Variants in EFCAB13 observed in about 807,000 individuals in gnomAD.
EFCAB13 encodes the protein EF-hand calcium binding domain 13, also known as EF-hand calcium-binding domain-containing protein 13.
In EFCAB13, 91 loss-of-function variants were observed where a neutral mutation model predicts 110.2. The observed-to-expected ratio is 0.83, with a 90% confidence interval of 0.70 to 0.98. The LOEUF is 0.98. EFCAB13 is among the 50% of genes least tolerant of loss of function. The pLI, the probability that EFCAB13 is intolerant of heterozygous loss-of-function variation, is 0.00. For missense variants in EFCAB13, 968 were observed against 1,119.4 expected, an observed-to-expected ratio of 0.86 and a Z score of 1.93; for synonymous variants, 323 against 369.9, an observed-to-expected ratio of 0.87 and a Z score of 1.45.
chr17:47,334,757 A>C (rs966282336), intron 4 of EFCAB13, among the ~76,000 whole-genome samples: 4 of 152,078 alleles, frequency 2.6e-5, no homozygotes, highest in Admixed American at 2.6e-4. Context: ...CTCTACGAAT[A>C]ATAAAAAATT....
chr17:47,355,641 C>T (rs1469544301), intron 9 of EFCAB13, among the ~76,000 whole-genome samples: 1 of 146,610 alleles, frequency 6.8e-6, no homozygotes, highest in Non-Finnish European at 1.5e-5. Context: ...GATGCGATCT[C>T]GGCTTACTGC....
At chr17:47,375,061 A>G (rs917618147) in intron 12 of EFCAB13, 95 bp downstream of exon 12, 11 of 1,298,324 alleles carry the variant, frequency 8.5e-6, no homozygotes, top group African/African-American at 1.5e-5. Context: ...TCAATTGTTA[A>G]CACCCTGGGT....
Position 47,389,242 on chromosome 17 carries a change from TGCTCAG to T in EFCAB13, c.1583-2191_1583-2186del, listed in dbSNP as rs2065692825. Among the ~76,000 whole-genome samples the T allele has an allele frequency of 2.0e-5, 3 of 152,316 alleles. No homozygotes were observed. In the South Asian group the frequency reaches 6.2e-4, roughly 32 times the overall value. On this transcript the variant is annotated intron_variant, in intron 14 of 24. Coordinates refer to ENST00000331493, the MANE Select transcript of EFCAB13 (RefSeq NM_152347.5). ...TTGTAGAGATGTGGTCTCCCTGTGT[TGCTCAG>T]GCTGGTCTTGAACTCCTGGTATCAA...
intron 15 of EFCAB13, 61 bp downstream of exon 15, chr17:47,391,641 AT>A: frequency 7.0e-7 from 1 of 1,437,016 alleles, no homozygotes; most frequent in Non-Finnish European, 9.2e-7. Flanking sequence ...TCAATTTGTT[AT>A]TTTTTTCTTA....
chr17:47,385,850 T>A (rs1296974036), intron 14 of EFCAB13, among the ~76,000 whole-genome samples: 3 of 152,194 alleles, frequency 2.0e-5, no homozygotes, highest in African/African-American at 7.2e-5. Flanking sequence ...GTTACTGCTT[T>A]CTGTTTGTTA....
At chr17:47,384,449 GTATTAAGAAAGTTTTTCTTA>G (rs771591752) in intron 14 of EFCAB13, among the ~76,000 whole-genome samples, 63 of 151,446 alleles carry the variant, frequency 4.2e-4, no homozygotes, top group Middle Eastern at 3.4e-3. Context: ...GCAGTGGCTG[GTATTAAGAAAGTTTTTCTTA>G]TATTAAGAAA....
intron 2 of EFCAB13, among the ~76,000 whole-genome samples, chr17:47,325,866 C>T (rs1380018276): frequency 7.6e-6 from 1 of 131,754 alleles, no homozygotes; most frequent in Middle Eastern, 4.0e-3. Flanking sequence ...TTTATTATTT[C>T]ACTCCCTGAC....
intron 23 of EFCAB13, among the ~76,000 whole-genome samples, chr17:47,420,586 C>T (rs749718308): frequency 6.6e-6 from 1 of 151,996 alleles, no homozygotes; most frequent in Non-Finnish European, 1.5e-5. Flanking sequence ...GTGGGGAGCG[C>T]CTCTGCCCCG....
At chr17:47,401,428 A>G (rs959093790) in intron 17 of EFCAB13, among the ~76,000 whole-genome samples, 9 of 152,230 alleles carry the variant, frequency 5.9e-5, no homozygotes, top group African/African-American at 1.7e-4. Flanking sequence ...GTGTAAACAC[A>G]TATCAGAAAT....
rs1465460724 is a variant in EFCAB13 at position 47,429,845 on chromosome 17, A to G, written c.2522A>G (p.Gln841Arg). Reference sequence around the variant, plus strand: ...ACACAGATACTCTTAGCTACTACCCAAATTCTCCAGAATGATCTAGTTGAT... The same window carrying G: ...ACACAGATACTCTTAGCTACTACCCGAATTCTCCAGAATGATCTAGTTGAT... Reference protein sequence around the residue: ...KATQILLATTQILQNDLVDVS... With the variant: ...KATQILLATTRILQNDLVDVS... Residue 841 changes from glutamine to arginine, a missense_variant, in exon 24 of 25, where the codon CAA (glutamine) becomes CGA (arginine). Physicochemically the swap from Gln to Arg is conservative, Grantham distance 43. Transcript: ENST00000331493. 1.9e-6 allele frequency: 3 copies of G among 1,609,352 alleles called. No individual in the cohort carries two copies. The highest frequency in any genetic ancestry group is 2.5e-6 in the Non-Finnish European group (3 of 1,177,070).
At chr17:47,420,913 C>A (rs571866242) in intron 23 of EFCAB13, among the ~76,000 whole-genome samples, 3,523 of 145,074 alleles carry the variant, frequency 0.024, 130 homozygotes, top group African/African-American at 0.085. Flanking sequence ...AGGTGAGGGG[C>A]GCCTCTGCCC....
At chr17:47,350,457 C>T (rs2065443064) in intron 9 of EFCAB13, among the ~76,000 whole-genome samples, 1 of 152,132 alleles carries the variant, frequency 6.6e-6, no homozygotes, top group African/African-American at 2.4e-5. Flanking sequence ...GCTTAGCCTC[C>T]TCACCCCTTC....
intron 8 of EFCAB13, among the ~76,000 whole-genome samples, chr17:47,346,191 T>A (rs967570492): frequency 2.6e-5 from 4 of 152,140 alleles, no homozygotes; most frequent in African/African-American, 9.6e-5. Context: ...ACTCACTGAT[T>A]AGCAACTCAC....
chr17:47,411,412 C>T (rs1472558588), intron 21 of EFCAB13, among the ~76,000 whole-genome samples: 1 of 152,190 alleles, frequency 6.6e-6, no homozygotes, highest in African/African-American at 2.4e-5. Flanking sequence ...ATAAGACTTC[C>T]TTCCCAGAGT....
intron 6 of EFCAB13, 85 bp downstream of exon 6, chr17:47,342,117 T>G: frequency 1.4e-6 from 1 of 726,332 alleles, no homozygotes; most frequent in East Asian, 2.9e-5. Flanking sequence ...TTAGTCCAAG[T>G]GTTGAAATGT....
At chr17:47,413,977 A>T (rs1904333476) in intron 22 of EFCAB13, among the ~76,000 whole-genome samples, 1 of 151,970 alleles carries the variant, frequency 6.6e-6, no homozygotes, top group African/African-American at 2.4e-5. Flanking sequence ...TATCCCAAAG[A>T]TAGTTTTGGT....
chr17:47,438,696 T>C (rs1391623862), intron 24 of EFCAB13, among the ~76,000 whole-genome samples: 2 of 152,084 alleles, frequency 1.3e-5, no homozygotes, highest in Non-Finnish European at 2.9e-5. Flanking sequence ...CCTTCACTTC[T>C]TGTATCATAT....
At position 47,379,215 on chromosome 17, in the gene EFCAB13, A is replaced by T. The variant is rs1214520455; in HGVS notation, c.1544A>T (p.Asn515Ile). 1 of 1,613,452 alleles carries T rather than the reference A, an allele frequency of 6.2e-7. No homozygotes were observed. Among genetic ancestry groups the T allele is most frequent in the African/African-American group, 1.3e-5 (1 of 74,920 alleles). ...ATGGTGGAGTTAGATGACTTTGTAAATGCTCTCGCCAAGGAGCGAAGTTTT... is the reference window on the plus strand; with the variant it reads ...ATGGTGGAGTTAGATGACTTTGTAATTGCTCTCGCCAAGGAGCGAAGTTTT... ...NGMVELDDFV[N>I]ALAKERSFPE... The change falls in exon 14 of 25, where the codon AAT becomes ATT. Residue 515 changes from asparagine to isoleucine, a missense_variant. Asn to Ile is a moderately radical substitution (Grantham distance 149). Transcript: ENST00000331493.
chr17:47,358,752 T>C (rs896306905), intron 9 of EFCAB13, among the ~76,000 whole-genome samples: 1 of 152,196 alleles, frequency 6.6e-6, no homozygotes, highest in Non-Finnish European at 1.5e-5. Flanking sequence ...AGTACACACA[T>C]ACATTTTCAT....
Sources: gnomAD v4.1 joint callset for allele counts (sites outside exome capture counted in the v4.1 genomes callset) on GRCh38, gnomAD v4.1.1 for gene constraint, MANE v1.5 for transcripts, NCBI Gene and HGNC (gene_info 2026-07-23, HGNC 2026-07-21) for gene names.